The following AGL variants were observed in gnomAD, a reference collection of about 807,000 sequenced individuals.
The protein encoded by AGL is amylo-alpha-1,6-glucosidase and 4-alpha-glucanotransferase.
AGL carries 128 observed loss-of-function variants against 199.3 expected under a neutral mutation model. The observed-to-expected ratio is 0.64, with a 90% CI of 0.56 to 0.74. The LOEUF (loss-of-function observed/expected upper bound fraction) is 0.74, where lower values mean the gene tolerates loss of function less well. Among genes scored for constraint, AGL ranks in the 30% least tolerant of loss-of-function variants. The pLI is 0.00. For synonymous variants in AGL, 584 were observed against 594.7 expected (o/e 0.98, Z 0.26); for missense variants, 1,809 against 1,820.8 (o/e 0.99, Z 0.12).
chr1:99,915,143 T>C (rs1655019183), intron 30 of AGL, among the ~76,000 whole-genome samples: 1 of 152,168 alleles, frequency 6.6e-6, no homozygotes, highest in Admixed American at 6.5e-5. Context: ...CTTTTGGAGC[T>C]GAGTAACTTT....
At position 99,908,819 on chromosome 1, in the gene AGL, G is replaced by A. The variant is rs144651682; in HGVS notation, c.3701-1893G>A. 5.5e-4 allele frequency among the ~76,000 whole-genome samples: 84 copies of A among 152,196 alleles called. 1 individual carries two copies. The highest frequency in any genetic ancestry group is 1.5e-3 in the Admixed American group (23 of 15,302). On this transcript the variant is annotated intron_variant, in intron 27 of 33. Transcript: ENST00000361915. ...TTCTGGCCTACTCTTGTGGGCTGTG[G>A]TTTCAGTAACAATTTAATATTTAGC...
At position 99,875,150 on chromosome 1, in the gene AGL, C is replaced by G. The variant is rs750423236; in HGVS notation, c.1083-4C>G. ...TTATATCTGCATTTCTCCATCTGCT[C>G]TAGCAAGGGGCCAGCAGCAATTGAA... On this transcript the variant is annotated splice_region_variant and splice_polypyrimidine_tract_variant and intron_variant, in intron 8 of 33. Transcript: ENST00000361915. 5.6e-6 allele frequency: 9 copies of G among 1,612,406 alleles called. No homozygotes were observed. The highest frequency in any genetic ancestry group is 7.6e-6 in the Non-Finnish European group (9 of 1,178,640).
intron 24 of AGL, among the ~76,000 whole-genome samples, chr1:99,895,015 C>T (rs761403596): frequency 2.0e-5 from 3 of 152,246 alleles, no homozygotes; most frequent in African/African-American, 7.2e-5. Context: ...TCAGTTTCCC[C>T]TAACCAAAAT....
chr1:99,852,658 A>G, intron 2 of AGL: 1 of 773,256 alleles, frequency 1.3e-6, no homozygotes, highest in Non-Finnish European at 2.4e-6. Context: ...TTACAAGCAT[A>G]AGCCACCGGG....
rs1463967460 is a variant in AGL at position 99,922,690 on chromosome 1, A to AT, written c.*1045dup. On this transcript the variant is annotated 3_prime_UTR_variant, in exon 34 of 34. Coordinates refer to ENST00000361915, the MANE Select transcript of AGL (RefSeq NM_000642.3). ...GTTTTTAACATTTACATGAGTTAAC[A>AT]TTTTTTCATAGAACTTATTTCCTAG... 3.3e-5 allele frequency: 5 copies of AT among 151,890 alleles called. No individual in the cohort carries two copies. The highest frequency in any genetic ancestry group is 4.8e-5 in the African/African-American group (2 of 41,404). The allele number at this position is 151,890 out of a possible 1,614,324, so 9.4% of individuals were successfully genotyped here.
chr1:99,896,842 G>T (rs947047924), intron 25 of AGL, among the ~76,000 whole-genome samples: 5 of 151,876 alleles, frequency 3.3e-5, no homozygotes, highest in Admixed American at 2.0e-4. Flanking sequence ...ACAGAGTCTC[G>T]CACTGTCGTC....
At chr1:99,878,098 A>G (rs1359452831) in intron 12 of AGL, among the ~76,000 whole-genome samples, 1 of 152,226 alleles carries the variant, frequency 6.6e-6, no homozygotes, top group African/African-American at 2.4e-5. Flanking sequence ...TATGGAGTGC[A>G]ATCATATTGG....
Position 99,876,476 on chromosome 1 carries a change from T to G in AGL, c.1302T>G (p.Phe434Leu). 6.2e-7 allele frequency: 1 copy of G among 1,605,064 alleles called. No individual in the cohort carries two copies. Among genetic ancestry groups the G allele is most frequent in the East Asian group, 2.2e-5 (1 of 44,772 alleles). ...TTCATAGGTATTTTACTTTCCCATT[T>G]GAAGAGATAGACTTCTCCATGGAAG... Reference protein sequence around the residue: ...PLVTRYFTFPFEEIDFSMEES... With the variant: ...PLVTRYFTFPLEEIDFSMEES... The change falls in exon 11 of 34, where the codon TTT (phenylalanine) becomes TTG (leucine). Residue 434 changes from phenylalanine to leucine, a missense_variant. Transcript: ENST00000361915.
At chr1:99,876,853 A>G (rs764668151) in intron 11 of AGL, among the ~76,000 whole-genome samples, 2 of 152,204 alleles carry the variant, frequency 1.3e-5, no homozygotes, top group South Asian at 2.1e-4. Flanking sequence ...ACTGTTTTCT[A>G]TATTGTGGGT....
chr1:99,857,547 C>T (rs969385146), intron 2 of AGL, among the ~76,000 whole-genome samples: 3 of 151,930 alleles, frequency 2.0e-5, no homozygotes, highest in South Asian at 2.1e-4. Context: ...AATGAGACTC[C>T]GTCTGCAATC....
At chr1:99,876,367 T>C in intron 10 of AGL, 91 bp from the exon 11 acceptor site, 1 of 995,248 alleles carries the variant, frequency 1.0e-6, no homozygotes, top group East Asian at 2.6e-5. Context: ...TTCTATTCAT[T>C]AGAAAAGAAG....
chr1:99,873,374 T>C (rs950974276), intron 7 of AGL, among the ~76,000 whole-genome samples: 2 of 152,000 alleles, frequency 1.3e-5, no homozygotes, highest in Non-Finnish European at 2.9e-5. Flanking sequence ...TACTAAAGAT[T>C]ATTAGTTTAT....
intron 22 of AGL, 54 bp downstream of exon 22, chr1:99,891,410 T>A: frequency 6.3e-7 from 1 of 1,577,964 alleles, no homozygotes; most frequent in Admixed American, 1.7e-5. Flanking sequence ...TAATAAATAT[T>A]ACCATGTTAT....
At chr1:99,852,841 C>G (rs1649093816) in intron 2 of AGL, 3 of 712,358 alleles carry the variant, frequency 4.2e-6, no homozygotes, top group Non-Finnish European at 7.7e-6. Context: ...TATTCCCACC[C>G]TGGACCTTGG....
chr1:99,913,487 T>C, intron 29 of AGL, 40 bp from the exon 30 acceptor site: 2 of 1,491,994 alleles, frequency 1.3e-6, no homozygotes, highest in Non-Finnish European at 1.9e-6. Context: ...GTGAATTGTT[T>C]TGAATGATTA....
chr1:99,870,603 T>C (rs1557754529), intron 6 of AGL, 22 bp downstream of exon 6: 1 of 1,613,418 alleles, frequency 6.2e-7, no homozygotes, highest in Non-Finnish European at 8.5e-7. Context: ...CAGAGGAGTA[T>C]CACACTAAAA....
chr1:99,853,553 A>G (rs906034437), intron 2 of AGL, among the ~76,000 whole-genome samples: 2 of 152,212 alleles, frequency 1.3e-5, no homozygotes, highest in Admixed American at 1.3e-4. Flanking sequence ...AGCAGTGTCT[A>G]AAGGCTTGTT....
chr1:99,874,534 G>T (rs923429946), intron 7 of AGL, 153 bp from the exon 8 acceptor site: 5 of 736,194 alleles, frequency 6.8e-6, no homozygotes, highest in Non-Finnish European at 6.7e-6. Flanking sequence ...CACACAGCAG[G>T]ATGAGAAGGG....
chr1:99,892,574 GAA>G lies in AGL; in HGVS notation c.3229_3230del (p.Lys1077GlyfsTer31), dbSNP rs1557773719. 1.2e-6 allele frequency: 2 copies of G among 1,613,514 alleles called. No homozygotes were observed. Among genetic ancestry groups the G allele is most frequent in the Admixed American group, 3.3e-5 (2 of 59,976 alleles). On this transcript the variant is annotated frameshift_variant, in exon 24 of 34. Transcript: ENST00000361915. LOFTEE classifies it high-confidence loss of function. ...TTATAGGTTAAATGAGATCACAAAAGAAAAGGAGCAATGTTGTGTTTCTCTAG... is the reference window on the plus strand; with the variant it reads ...TTATAGGTTAAATGAGATCACAAAAGAAGGAGCAATGTTGTGTTTCTCTAG... Reference protein sequence around the residue: ...VPYRLNEITKEKEQCCVSLAA... With the variant: ...VPYRLNEITKXKEQCCVSLAA...
Sources: allele counts gnomAD v4.1 joint callset (sites outside exome capture counted in the v4.1 genomes callset), GRCh38; gene constraint gnomAD v4.1.1; transcripts MANE v1.5; gene names NCBI Gene and HGNC (gene_info 2026-07-23, HGNC 2026-07-21).